The following ATP10A variants were observed in gnomAD, a reference collection of about 807,000 sequenced individuals.
ATP10A encodes phospholipid-transporting ATPase VA.
A neutral mutation model predicts 147.8 loss-of-function variants in ATP10A; 111 were observed. The ratio of observed to expected loss-of-function variants is 0.75; its 90% CI spans 0.64 to 0.88. The LOEUF is 0.88. ATP10A is among the 40% of genes least tolerant of loss of function. ATP10A has a pLI of 0.00. For missense variants in ATP10A, 1,927 were observed against 1,959.0 expected, an observed-to-expected ratio of 0.98 and a Z score of 0.31; for synonymous variants, 875 against 841.6, an observed-to-expected ratio of 1.04 and a Z score of -0.69.
At chr15:25,789,032 A>C (rs1023392745) in intron 1 of ATP10A, among the ~76,000 whole-genome samples, 2 of 152,168 alleles carry the variant, frequency 1.3e-5, no homozygotes, top group African/African-American at 4.8e-5. Context: ...ATGATAGCTC[A>C]CTGCAGCCTC....
At chr15:25,810,961 C>A (rs1420336624) in intron 1 of ATP10A, among the ~76,000 whole-genome samples, 1 of 152,132 alleles carries the variant, frequency 6.6e-6, no homozygotes, top group African/African-American at 2.4e-5. Flanking sequence ...CAGCAGAAGC[C>A]TAGCTTTACA....
chr15:25,719,710 C>T (rs936145196), intron 7 of ATP10A, among the ~76,000 whole-genome samples: 7 of 151,424 alleles, frequency 4.6e-5, no homozygotes, highest in African/African-American at 1.7e-4. Flanking sequence ...CCTGGGATGC[C>T]TTCCATGTCC....
At chr15:25,802,451 C>T (rs548443613) in intron 1 of ATP10A, among the ~76,000 whole-genome samples, 4 of 152,306 alleles carry the variant, frequency 2.6e-5, no homozygotes, top group East Asian at 1.9e-4. Context: ...CATGAACTCG[C>T]TTCCTGGGGC....
intron 1 of ATP10A, among the ~76,000 whole-genome samples, chr15:25,855,013 C>A (rs182140967): frequency 4.0e-5 from 6 of 150,234 alleles, no homozygotes; most frequent in Admixed American, 1.3e-4. Flanking sequence ...GAGCTGAGAT[C>A]GCCCCATTGC....
rs1893857881 is a variant in ATP10A at position 25,863,224 on chromosome 15, C to G, written c.-128G>C. 3.4e-6 allele frequency: 2 copies of G among 595,788 alleles called. No individual in the cohort carries two copies. Among genetic ancestry groups the G allele is most frequent in the Admixed American group, 5.8e-5 (1 of 17,368 alleles). 36.9% of individuals were successfully genotyped at this position (595,788 alleles called of 1,614,324 possible). A position where few individuals can be genotyped will look rare whatever the true frequency, so the allele number is the denominator to read the frequency against. On this transcript the variant is annotated 5_prime_UTR_variant, in exon 1 of 21. Transcript: ENST00000555815. ...CCGCCTGCGGGACGCACGGAGACCG[C>G]GGTCAGCGCGCCGCCTGGCCGGCCC...
intron 9 of ATP10A, 124 bp downstream of exon 9, chr15:25,716,606 G>C: frequency 1.0e-6 from 1 of 955,840 alleles, no homozygotes; most frequent in East Asian, 2.7e-5. Context: ...ATCCCCCTTA[G>C]GTCACGATGT....
chr15:25,753,891 C>G (rs9972473), intron 2 of ATP10A, among the ~76,000 whole-genome samples: 73,997 of 151,534 alleles, frequency 0.49, 18,245 homozygotes, highest in South Asian at 0.53. Flanking sequence ...ATTCTCCCAC[C>G]CTAGCCTCCC....
chr15:25,819,054 A>G (rs1891777129), intron 1 of ATP10A, among the ~76,000 whole-genome samples: 1 of 152,200 alleles, frequency 6.6e-6, no homozygotes, highest in African/African-American at 2.4e-5. Context: ...CAAAAGCACA[A>G]GCAACGAAAA....
At chr15:25,768,548 T>C (rs977414102) in intron 2 of ATP10A, among the ~76,000 whole-genome samples, 1 of 151,234 alleles carries the variant, frequency 6.6e-6, no homozygotes, top group Non-Finnish European at 1.5e-5. Flanking sequence ...CTCTTTTTTT[T>C]TTTTTTTTCT....
In ATP10A at chr15:25,828,431, A is replaced by T. The variant is rs900381747; in HGVS notation, c.449+34217T>A. Among the ~76,000 whole-genome samples the T allele has an allele frequency of 5.3e-5, 8 of 152,244 alleles. No homozygotes were observed. The East Asian group carries it at 5.8e-4, about 11-fold the overall frequency. ...AACTCAGTAAGTTTAAAGGATCGAT[A>T]CCATACTAAGTAGGCTCTTGGAATG... On this transcript the variant is annotated intron_variant, in intron 1 of 20. Transcript: ENST00000555815.
At chr15:25,775,780 C>G (rs1314676083) in intron 2 of ATP10A, among the ~76,000 whole-genome samples, 3 of 152,232 alleles carry the variant, frequency 2.0e-5, no homozygotes, top group Admixed American at 1.3e-4. Context: ...TTAACCCACA[C>G]AGAAGTCACC....
At chr15:25,708,912 A>G (rs1901218313) in intron 10 of ATP10A, 1 of 153,346 alleles carries the variant, frequency 6.5e-6, no homozygotes, top group South Asian at 2.1e-4. Context: ...GACATTCTAT[A>G]TATACAGTTT....
chr15:25,694,038 G>A (rs969986873), intron 14 of ATP10A, among the ~76,000 whole-genome samples: 1 of 151,948 alleles, frequency 6.6e-6, no homozygotes, highest in African/African-American at 2.4e-5. Context: ...GTTGGCATGT[G>A]GGGGTCACGG....
intron 3 of ATP10A, among the ~76,000 whole-genome samples, chr15:25,727,790 A>C (rs1902672738): frequency 6.6e-6 from 1 of 152,230 alleles, no homozygotes; most frequent in African/African-American, 2.4e-5. Flanking sequence ...AAATGTGGTA[A>C]ATTCCATGAA....
chr15:25,773,552 A>G (rs1319266050), intron 2 of ATP10A, among the ~76,000 whole-genome samples: 1 of 152,116 alleles, frequency 6.6e-6, no homozygotes, highest in East Asian at 1.9e-4. Context: ...CAGGTCCTCA[A>G]TAGTGAGATT....
At chr15:25,752,327 A>C (rs928013066) in intron 2 of ATP10A, among the ~76,000 whole-genome samples, 14 of 152,258 alleles carry the variant, frequency 9.2e-5, no homozygotes, top group African/African-American at 3.4e-4. Context: ...TTTAAAAAGA[A>C]GGAAATTCTG....
chr15:25,746,115 C>T (rs891386750), intron 2 of ATP10A, among the ~76,000 whole-genome samples: 15 of 152,006 alleles, frequency 9.9e-5, no homozygotes, highest in South Asian at 4.2e-4. Context: ...ACTATATTGA[C>T]GAGAAGAAAG....
chr15:25,723,786 T>A, intron 6 of ATP10A, 105 bp downstream of exon 6: 1 of 1,057,914 alleles, frequency 9.5e-7, no homozygotes, highest in Non-Finnish European at 1.3e-6. Context: ...ATATTTGCCA[T>A]CTTCCTAGAT....
intron 1 of ATP10A, among the ~76,000 whole-genome samples, chr15:25,786,490 TG>T (rs148466380): frequency 0.083 from 12,571 of 152,090 alleles, 648 homozygotes; most frequent in Non-Finnish European, 0.12. Flanking sequence ...ACGACAGAAC[TG>T]TTCTTCAGAA....
Sources: allele counts gnomAD v4.1 joint callset (sites outside exome capture counted in the v4.1 genomes callset), GRCh38; gene constraint gnomAD v4.1.1; transcripts MANE v1.5; gene names NCBI Gene and HGNC (gene_info 2026-07-23, HGNC 2026-07-21).